Variants in SUPT20H observed in about 807,000 individuals in gnomAD.
The protein encoded by SUPT20H is SPT20 homolog, SAGA complex component.
Under a neutral mutation model 122.8 loss-of-function variants are expected in SUPT20H, and 82 were observed. That is an observed-to-expected ratio of 0.67 (90% CI 0.56 to 0.80). The LOEUF is 0.80. SUPT20H is among the 30% of genes least tolerant of loss of function. The pLI is 0.00. For missense variants in SUPT20H, 831 were observed against 921.6 expected, an observed-to-expected ratio of 0.90 and a Z score of 1.27; for synonymous variants, 291 against 313.0, an observed-to-expected ratio of 0.93 and a Z score of 0.74.
At chr13:37,014,930 A>T (rs1244056504) in intron 23 of SUPT20H, among the ~76,000 whole-genome samples, 1 of 152,202 alleles carries the variant, frequency 6.6e-6, no homozygotes, top group Non-Finnish European at 1.5e-5. Flanking sequence ...CTCTAGGCAA[A>T]CTGCTTAAAT....
chr13:37,045,965 A>G (rs1364443138), intron 5 of SUPT20H, among the ~76,000 whole-genome samples: 2 of 152,134 alleles, frequency 1.3e-5, no homozygotes, highest in Non-Finnish European at 2.9e-5. Context: ...ACCACAACAA[A>G]GTCCATGATT....
At chr13:37,049,765 T>G (rs1242260449) in intron 2 of SUPT20H, among the ~76,000 whole-genome samples, 1 of 152,040 alleles carries the variant, frequency 6.6e-6, no homozygotes. Context: ...AACAAACAAA[T>G]AAAACAAAAC....
chr13:37,048,056 A>G, intron 3 of SUPT20H, 120 bp from the exon 4 acceptor site: 1 of 595,444 alleles, frequency 1.7e-6, no homozygotes, highest in East Asian at 3.2e-5. Context: ...TCTCTGAATT[A>G]CATCTTGTAG....
chr13:37,040,278 A>G, intron 9 of SUPT20H, 127 bp downstream of exon 9: 2 of 820,568 alleles, frequency 2.4e-6, no homozygotes, highest in Non-Finnish European at 3.7e-6. Flanking sequence ...AAGGAATACC[A>G]GCTTTTCACA....
At chr13:37,043,569 C>T (rs544944951) in intron 7 of SUPT20H, among the ~76,000 whole-genome samples, 15 of 152,210 alleles carry the variant, frequency 9.9e-5, no homozygotes, top group Admixed American at 2.0e-4. Flanking sequence ...TACGTCTCTA[C>T]GTTTCAGTAT....
chr13:37,042,718 A>C (rs1220516244), intron 7 of SUPT20H, among the ~76,000 whole-genome samples: 4 of 152,210 alleles, frequency 2.6e-5, no homozygotes, highest in Non-Finnish European at 4.4e-5. Context: ...TCATGATGCC[A>C]AATGAGATAG....
Position 37,024,015 on chromosome 13 carries a change from G to T in SUPT20H, c.1591+20C>A, listed in dbSNP as rs1030033314. 6 of 1,587,372 alleles carry T rather than the reference G, an allele frequency of 3.8e-6. No homozygotes were observed. Among genetic ancestry groups the T allele is most frequent in the Non-Finnish European group, 5.1e-6 (6 of 1,169,534 alleles). On this transcript the variant is annotated intron_variant, in intron 19 of 25. Coordinates refer to ENST00000350612, the MANE Select transcript of SUPT20H (RefSeq NM_001014286.3). Reference sequence around the variant, plus strand: ...CAAAAGCTTATGAAGATTTAATGAAGAATTTAAGTTATGACTCACTTTGTG... The same window carrying T: ...CAAAAGCTTATGAAGATTTAATGAATAATTTAAGTTATGACTCACTTTGTG...
chr13:37,037,061 G>T (rs1264440050), intron 9 of SUPT20H, among the ~76,000 whole-genome samples: 1 of 152,146 alleles, frequency 6.6e-6, no homozygotes, highest in East Asian at 1.9e-4. Flanking sequence ...GCTGGGCATG[G>T]TGGCATGCAC....
At chr13:37,024,316 G>A (rs374055114) in intron 18 of SUPT20H, 24 bp downstream of exon 18, 2 of 1,544,938 alleles carry the variant, frequency 1.3e-6, no homozygotes, top group Non-Finnish European at 1.7e-6. Context: ...ATTCTAGACT[G>A]CAAAAAACTA....
intron 23 of SUPT20H, among the ~76,000 whole-genome samples, chr13:37,016,429 CAAAA>C (rs66581438): frequency 1.4e-5 from 2 of 139,750 alleles, no homozygotes; most frequent in Admixed American, 7.1e-5. Context: ...GACTCTGTCT[CAAAA>C]AAAAAAAAAA....
At chr13:37,029,968 A>T in intron 12 of SUPT20H, 132 bp from the exon 13 acceptor site, 1 of 625,122 alleles carries the variant, frequency 1.6e-6, no homozygotes, top group Non-Finnish European at 2.5e-6. Flanking sequence ...AAGAATTCTT[A>T]AATTACCGGT....
chr13:37,027,986 A>T (rs2062613835), intron 14 of SUPT20H, among the ~76,000 whole-genome samples, 162 bp downstream of exon 14: 1 of 152,184 alleles, frequency 6.6e-6, no homozygotes, highest in South Asian at 2.1e-4. Flanking sequence ...ACTACGACTT[A>T]AGTTTACTTA....
chr13:37,048,488 AC>A (rs2066945068), intron 3 of SUPT20H, 75 bp downstream of exon 3: 2 of 1,379,804 alleles, frequency 1.4e-6, no homozygotes, highest in Non-Finnish European at 2.0e-6. Flanking sequence ...AAAATCACAT[AC>A]AAAAATCTCT....
At position 37,026,646 on chromosome 13, in the gene SUPT20H, A is replaced by G. The variant is rs993133504; in HGVS notation, c.1178+144T>C. 15 of 551,926 alleles carry G rather than the reference A, an allele frequency of 2.7e-5. No individual in the cohort carries two copies. In the African/African-American group the frequency reaches 2.8e-4, roughly 10 times the overall value. The allele number at this position is 551,926 out of a possible 1,614,324, so 34.2% of individuals were successfully genotyped here. ...ATTTTAGAAGTTACTATTAATGTCT[A>G]CATAACAGATCCTTAGAATATATTT... On this transcript the variant is annotated intron_variant, in intron 15 of 25. Coordinates refer to ENST00000350612, the MANE Select transcript of SUPT20H (RefSeq NM_001014286.3).
intron 23 of SUPT20H, among the ~76,000 whole-genome samples, chr13:37,015,604 G>A (rs1293214393): frequency 3.3e-5 from 5 of 152,056 alleles, no homozygotes; most frequent in African/African-American, 1.2e-4. Context: ...AAATGGTACA[G>A]CCACTATGGA....
At position 37,009,740 on chromosome 13, in the gene SUPT20H, G is replaced by A. The variant is rs1332666950; in HGVS notation, c.2272C>T (p.His758Tyr). ...AAAQTAQLHH[H>Y]RHTGSQSKSK... is the part of the protein sequence containing the mutation. ...TTTGACTGGCTGCCTGTATGCCGAT[G>A]ATGATGTAGCTGAGCTGTTTGTGCT... Residue 758 changes from histidine (H) to tyrosine (Y), a missense_variant, in exon 26 of 26, where the codon CAT (histidine) becomes TAT (tyrosine). Coordinates refer to ENST00000350612, the MANE Select transcript of SUPT20H (RefSeq NM_001014286.3). 6.2e-7 allele frequency: 1 copy of A among 1,613,978 alleles called. No individual in the cohort carries two copies. Among genetic ancestry groups the A allele is most frequent in the East Asian group, 2.2e-5 (1 of 44,898 alleles).
intron 5 of SUPT20H, 92 bp from the exon 6 acceptor site, chr13:37,045,465 C>A: frequency 6.9e-7 from 1 of 1,458,480 alleles, no homozygotes; most frequent in South Asian, 1.3e-5. Flanking sequence ...TTGAATTAAC[C>A]TTTTGGTGCT....
At chr13:37,013,348 AAGAAT>A (rs1954736074) in intron 23 of SUPT20H, 1 of 152,114 alleles carries the variant, frequency 6.6e-6, no homozygotes, top group African/African-American at 2.4e-5. Context: ...TCAATTCAGA[AAGAAT>A]AGCTGTTTTT....
chr13:37,039,185 A>G (rs2065033380), intron 9 of SUPT20H: 1 of 152,228 alleles, frequency 6.6e-6, no homozygotes, highest in Non-Finnish European at 1.5e-5. Context: ...TTCAGCCTGA[A>G]TAATTTTGAC....
Sources: allele counts gnomAD v4.1 joint callset (sites outside exome capture counted in the v4.1 genomes callset), GRCh38; gene constraint gnomAD v4.1.1; transcripts MANE v1.5; gene names NCBI Gene and HGNC (gene_info 2026-07-23, HGNC 2026-07-21).